Variants in NUAK1 observed in about 807,000 individuals in gnomAD.
NUAK1 encodes NUAK family kinase 1.
Under a neutral mutation model 56.9 loss-of-function variants are expected in NUAK1, and 26 were observed. The ratio of observed to expected loss-of-function variants is 0.46; its 90% confidence interval spans 0.33 to 0.63. The LOEUF (loss-of-function observed/expected upper bound fraction) is 0.63, where lower values mean the gene tolerates loss of function less well. Ranked by LOEUF, NUAK1 falls within the 30% of genes least tolerant of loss-of-function variation. The probability of loss-of-function intolerance (pLI) is 0.02; values close to 1 mark genes in which losing one functional copy is unlikely to be tolerated. For missense variants in NUAK1, 727 were observed against 876.1 expected, an observed-to-expected ratio of 0.83 and a Z score of 2.15; for synonymous variants, 337 against 336.0, an observed-to-expected ratio of 1.00 and a Z score of -0.03.
At chr12:106,071,544 T>C (rs1381537936) in intron 5 of NUAK1, among the ~76,000 whole-genome samples, 2 of 152,154 alleles carry the variant, frequency 1.3e-5, no homozygotes, top group Non-Finnish European at 2.9e-5. Context: ...CACTGCTCGA[T>C]TCTTTGGTTT....
intron 1 of NUAK1, among the ~76,000 whole-genome samples, chr12:106,122,183 C>T (rs1197785942): frequency 6.6e-6 from 1 of 152,114 alleles, no homozygotes; most frequent in Non-Finnish European, 1.5e-5. Context: ...TCATAACATC[C>T]ACACGTGGTA....
intron 2 of NUAK1, among the ~76,000 whole-genome samples, chr12:106,101,761 G>A (rs1451832466): frequency 6.6e-6 from 1 of 152,184 alleles, no homozygotes; most frequent in Non-Finnish European, 1.5e-5. Flanking sequence ...GGGAATCCCT[G>A]GCCTGCCCAC....
At chr12:106,113,488 C>T (rs561060227) in intron 1 of NUAK1, among the ~76,000 whole-genome samples, 1 of 151,748 alleles carries the variant, frequency 6.6e-6, no homozygotes, top group South Asian at 2.1e-4. Context: ...CTGGGCCCAC[C>T]CCAGAGCTAG....
At chr12:106,107,747 A>G (rs1278035301) in intron 1 of NUAK1, among the ~76,000 whole-genome samples, 3 of 152,212 alleles carry the variant, frequency 2.0e-5, no homozygotes, top group Non-Finnish European at 2.9e-5. Context: ...CTCTCCACCA[A>G]GCACTACAAA....
At chr12:106,101,105 G>A (rs560604421) in intron 2 of NUAK1, among the ~76,000 whole-genome samples, 1 of 152,330 alleles carries the variant, frequency 6.6e-6, no homozygotes, top group South Asian at 2.1e-4. Context: ...TGGGCTCACA[G>A]ACTGGGGTCC....
Position 106,070,791 on chromosome 12 carries a change from T to C in NUAK1, c.815A>G (p.Glu272Gly). Residue 272 changes from glutamate to glycine, a missense_variant, in exon 6 of 7, where the codon GAG becomes GGG. Coordinates refer to ENST00000261402, the MANE Select transcript of NUAK1 (RefSeq NM_014840.3). The part of the protein sequence containing the change: ...IRQISSGEYR[E>G]PTQPSDARGL... ...GCACGCACCTGAGGGCTGTGTTGGC[T>C]CCCGGTACTCTCCGCTGCTGATTTG... 6.2e-7 allele frequency: 1 copy of C among 1,614,164 alleles called. No homozygotes were observed. The highest frequency in any genetic ancestry group is 8.5e-7 in the Non-Finnish European group (1 of 1,180,026).
At chr12:106,088,057 G>A (rs188494212) in intron 2 of NUAK1, among the ~76,000 whole-genome samples, 105 of 152,292 alleles carry the variant, frequency 6.9e-4, no homozygotes, top group Non-Finnish European at 1.1e-3. Context: ...CTCTCTAGCC[G>A]TTATGTTCAA....
At chr12:106,118,212 A>G (rs1381544239) in intron 1 of NUAK1, among the ~76,000 whole-genome samples, 2 of 152,054 alleles carry the variant, frequency 1.3e-5, no homozygotes, top group African/African-American at 4.8e-5. Flanking sequence ...TATTGCCCCC[A>G]CCACCACCCC....
Position 106,063,640 on chromosome 12 carries a change from A to G in NUAK1, c.*3162T>C, listed in dbSNP as rs1279879734. On this transcript the variant is annotated 3_prime_UTR_variant, in exon 7 of 7. Transcript: ENST00000261402. ...ATTCAAATAAAAAAGTCAACTTTTTATTACCAAAAAAAATAGAAATTAAAT... is the reference window on the plus strand; with the variant it reads ...ATTCAAATAAAAAAGTCAACTTTTTGTTACCAAAAAAAATAGAAATTAAAT... 1 of 152,354 alleles carries G rather than the reference A, an allele frequency of 6.6e-6. No homozygotes were observed. The highest frequency in any genetic ancestry group is 1.5e-5 in the Non-Finnish European group (1 of 68,018). 9.4% of individuals were successfully genotyped at this position (152,354 alleles called of 1,614,324 possible).
chr12:106,115,478 C>A (rs1462148584), intron 1 of NUAK1, among the ~76,000 whole-genome samples: 1 of 152,188 alleles, frequency 6.6e-6, no homozygotes, highest in African/African-American at 2.4e-5. Context: ...AGTCCGTCCC[C>A]CAAAGCCTCT....
intron 2 of NUAK1, chr12:106,103,425 ACTT>A: frequency 6.6e-6 from 1 of 152,046 alleles, no homozygotes; most frequent in African/African-American, 2.4e-5. Flanking sequence ...ACTCACTTCC[ACTT>A]CCACATTGTG....
intron 1 of NUAK1, among the ~76,000 whole-genome samples, chr12:106,117,696 T>C (rs934512389): frequency 3.9e-5 from 6 of 152,248 alleles, no homozygotes; most frequent in Non-Finnish European, 8.8e-5. Context: ...TTGACCTACT[T>C]TGCACAAAGG....
At chr12:106,072,197 GTT>G (rs2136456743) in intron 5 of NUAK1, among the ~76,000 whole-genome samples, 1 of 150,904 alleles carries the variant, frequency 6.6e-6, no homozygotes, top group South Asian at 2.1e-4. Context: ...GCAATTTTTT[GTT>G]TGTTTGTTTT....
rs77460084 is a variant in NUAK1 at position 106,102,063 on chromosome 12, G to A, written c.361+4342C>T. Among the ~76,000 whole-genome samples the A allele has an allele frequency of 3.3e-3, 502 of 152,278 alleles. 6 individuals carry two copies. The highest frequency in any genetic ancestry group is 0.011 in the African/African-American group (476 of 41,566). On this transcript the variant is annotated intron_variant, in intron 2 of 6. Transcript: ENST00000261402. ...TGGATGTGGGAGAAACAGAACTTGCGTGGGAGAAGGGAAAGGGAACAGAAC... is the reference window on the plus strand; with the variant it reads ...TGGATGTGGGAGAAACAGAACTTGCATGGGAGAAGGGAAAGGGAACAGAAC...
chr12:106,137,061 A>ATT (rs34470612), intron 1 of NUAK1, among the ~76,000 whole-genome samples: 2 of 152,002 alleles, frequency 1.3e-5, no homozygotes, highest in Non-Finnish European at 2.9e-5. Flanking sequence ...TTGATAACAG[A>ATT]TTTTTTTTTA....
Position 106,066,594 on chromosome 12 carries a change from T to C in NUAK1, c.*208A>G. The C allele has an allele frequency of 1.7e-6, 1 of 597,198 alleles. No homozygotes were observed. The allele number at this position is 597,198 out of a possible 1,614,324, so 37.0% of individuals were successfully genotyped here. A position where few individuals can be genotyped will look rare whatever the true frequency, so the allele number is the denominator to read the frequency against. On this transcript the variant is annotated 3_prime_UTR_variant, in exon 7 of 7. Transcript: ENST00000261402. ...AAGCAAATGCCAAACAGGGCCCAAA[T>C]TCTGACTGACAATTGACAGAACTGG... is the stretch of plus-strand genomic sequence containing the variant.
At chr12:106,126,596 T>G (rs1290279997) in intron 1 of NUAK1, among the ~76,000 whole-genome samples, 1 of 152,218 alleles carries the variant, frequency 6.6e-6, no homozygotes, top group East Asian at 1.9e-4. Flanking sequence ...CCTGGCAAAG[T>G]GCTCAGTAAA....
At chr12:106,130,998 A>C (rs2033072185) in intron 1 of NUAK1, among the ~76,000 whole-genome samples, 1 of 152,212 alleles carries the variant, frequency 6.6e-6, no homozygotes, top group South Asian at 2.1e-4. Flanking sequence ...GCATACAGAC[A>C]CAGGCAGCCT....
Position 106,067,865 on chromosome 12 carries a change from C to G in NUAK1, c.923G>C (p.Trp308Ser). Residue 308 changes from tryptophan (W) to serine (S), a missense_variant, in exon 7 of 7, where the codon TGG becomes TCG. By Grantham distance (177) the Trp-to-Ser change is radical. Coordinates refer to ENST00000261402, the MANE Select transcript of NUAK1 (RefSeq NM_014840.3). The surrounding 1 kb of genome is among the most constrained non-coding windows in gnomAD (Gnocchi z 6.0). ...EDIANHWWVN[W>S]GYKSSVCDCD... ...GTCACACACGCTGCTCTTATAGCCC[C>G]AGTTCACCCACCAGTGGTTGGCAAT... 6.2e-7 allele frequency: 1 copy of G among 1,614,220 alleles called. No individual in the cohort carries two copies. The highest frequency in any genetic ancestry group is 8.5e-7 in the Non-Finnish European group (1 of 1,180,034).
Sources: allele counts gnomAD v4.1 joint callset (sites outside exome capture counted in the v4.1 genomes callset), GRCh38; gene constraint gnomAD v4.1.1; non-coding constraint Gnocchi (gnomAD v3.1); transcripts MANE v1.5; gene names NCBI Gene and HGNC (gene_info 2026-07-23, HGNC 2026-07-21).